Variants in NPEPPS observed in about 807,000 individuals in gnomAD.
NPEPPS encodes aminopeptidase puromycin sensitive.
In NPEPPS, 14 loss-of-function variants were observed where a neutral mutation model predicts 115.5. That is an observed-to-expected ratio of 0.12 (90% CI 0.08 to 0.19). The LOEUF (loss-of-function observed/expected upper bound fraction) is 0.19. Ranked by LOEUF, NPEPPS falls within the 10% of genes least tolerant of loss-of-function variation. The pLI, the probability that NPEPPS is intolerant of heterozygous loss-of-function variation, is 1.00. For synonymous variants in NPEPPS, 285 were observed against 390.6 expected (o/e 0.73, Z 3.19); for missense variants, 523 against 1,110.8 (o/e 0.47, Z 7.52).
intron 12 of NPEPPS, among the ~76,000 whole-genome samples, chr17:47,593,546 C>T (rs1383354434): frequency 6.6e-6 from 1 of 151,774 alleles, no homozygotes; most frequent in Non-Finnish European, 1.5e-5. Context: ...GGCAACAGAA[C>T]AAGATCCTGT....
intron 2 of NPEPPS, among the ~76,000 whole-genome samples, chr17:47,547,276 G>T (rs1239054556): frequency 5.9e-5 from 9 of 152,052 alleles, no homozygotes; most frequent in African/African-American, 2.2e-4. Flanking sequence ...TCCCGTATGA[G>T]CTGCTTTTTA....
chr17:47,559,579 G>C, intron 2 of NPEPPS: 1 of 447,656 alleles, frequency 2.2e-6, no homozygotes, highest in South Asian at 1.6e-5. Context: ...GTTCCCCGTT[G>C]GTTACTAATA....
At chr17:47,543,220 G>GCA (rs951275650) in intron 1 of NPEPPS, among the ~76,000 whole-genome samples, 70 of 149,712 alleles carry the variant, frequency 4.7e-4, no homozygotes, top group Admixed American at 1.7e-3. Context: ...TTAATGGCGC[G>GCA]CACACACACA....
intron 1 of NPEPPS, among the ~76,000 whole-genome samples, chr17:47,543,681 C>T (rs1908957544): frequency 6.6e-6 from 1 of 151,872 alleles, no homozygotes; most frequent in Admixed American, 6.6e-5. Flanking sequence ...TTTTTCAGAA[C>T]ATGCTGAAAG....
intron 1 of NPEPPS, among the ~76,000 whole-genome samples, chr17:47,537,435 T>G (rs998357434): frequency 2.6e-5 from 4 of 152,188 alleles, no homozygotes; most frequent in African/African-American, 9.7e-5. Context: ...GGCTCACGCC[T>G]GTAATCCCAG....
chr17:47,554,183 G>A (rs540665371), intron 2 of NPEPPS, among the ~76,000 whole-genome samples: 27 of 151,940 alleles, frequency 1.8e-4, no homozygotes, highest in African/African-American at 6.5e-4. Context: ...TGGGATTACA[G>A]GCATGCGCCA....
intron 17 of NPEPPS, among the ~76,000 whole-genome samples, chr17:47,607,992 G>A (rs957566989): frequency 1.3e-5 from 2 of 151,954 alleles, no homozygotes; most frequent in African/African-American, 4.8e-5. Context: ...CTACAGGCAT[G>A]CACCATACCC....
Position 47,531,391 on chromosome 17 carries a change from C to T in NPEPPS, c.91C>T (p.Arg31Cys), listed in dbSNP as rs1319025173. 1.9e-6 allele frequency: 3 copies of T among 1,545,090 alleles called. No individual in the cohort carries two copies. Among genetic ancestry groups the T allele is most frequent in the African/African-American group, 2.8e-5 (2 of 72,698 alleles). Residue 31 changes from arginine (R) to cysteine (C), a missense_variant, in exon 1 of 23, where the codon CGC becomes TGC. By Grantham distance (180) the Arg-to-Cys change is radical (BLOSUM62 -3). Transcript: ENST00000322157. ...PPPLLLLVFSRSSRRRLHSLG... is the reference protein window; with the variant it reads ...PPPLLLLVFSCSSRRRLHSLG... ...TCCCCTCCTCCTTCTCGTCTTCAGC[C>T]GCTCCTCTCGCCGCCGCCTCCACAG... is the stretch of plus-strand genomic sequence containing the variant.
intron 1 of NPEPPS, among the ~76,000 whole-genome samples, chr17:47,532,689 A>G (rs1419356916): frequency 2.0e-5 from 3 of 151,428 alleles, no homozygotes; most frequent in African/African-American, 7.3e-5. Flanking sequence ...AAAGGAAAGA[A>G]AGAAGCTATT....
chr17:47,549,932 AT>A (rs568065668), intron 2 of NPEPPS, among the ~76,000 whole-genome samples: 3,112 of 143,200 alleles, frequency 0.022, 78 homozygotes, highest in East Asian at 0.15. Context: ...GCTTCTTTTA[AT>A]TTTTTTTTTT....
upstream of NPEPPS, among the ~76,000 whole-genome samples, chr17:47,528,300 C>CA (rs139904870): frequency 1.1e-4 from 16 of 145,678 alleles, no homozygotes; most frequent in East Asian, 2.0e-4. Context: ...GACTCCAGCT[C>CA]AAAAAAAAAA....
At chr17:47,530,197 C>T (rs3874910), upstream of NPEPPS, among the ~76,000 whole-genome samples, 56,576 of 144,714 alleles carry the variant, frequency 0.39, 12,103 homozygotes, top group East Asian at 0.54. Flanking sequence ...CCCGCCTCGG[C>T]CTCCCAAATT....
At chr17:47,590,228 G>C (rs1349293212) in intron 9 of NPEPPS, among the ~76,000 whole-genome samples, 1 of 151,942 alleles carries the variant, frequency 6.6e-6, no homozygotes, top group African/African-American at 2.4e-5. Flanking sequence ...ACAATGTTTT[G>C]AAAATATCCT....
intron 22 of NPEPPS, 140 bp from the exon 23 acceptor site, chr17:47,621,628 G>T: frequency 2.4e-5 from 17 of 694,066 alleles, no homozygotes; most frequent in East Asian, 2.8e-5. Context: ...TTTTCTTTTA[G>T]CCTGAGGGTG....
intron 2 of NPEPPS, among the ~76,000 whole-genome samples, chr17:47,552,135 T>C (rs1909698915): frequency 6.6e-6 from 1 of 150,772 alleles, no homozygotes; most frequent in African/African-American, 2.4e-5. Flanking sequence ...CCTGGCTAAT[T>C]TTTTAATTTT....
At chr17:47,569,897 G>T (rs540455438) in intron 3 of NPEPPS, among the ~76,000 whole-genome samples, 1 of 152,244 alleles carries the variant, frequency 6.6e-6, no homozygotes, top group South Asian at 2.1e-4. Flanking sequence ...AGGATTACAG[G>T]CAGGAGCCAC....
At chr17:47,522,938 TC>T, upstream of NPEPPS, 1 of 1,356,266 alleles carries the variant, frequency 7.4e-7, no homozygotes, top group South Asian at 1.3e-5. Flanking sequence ...TTTCCAACTG[TC>T]ATTTCAACAG....
intron 2 of NPEPPS, among the ~76,000 whole-genome samples, chr17:47,551,261 T>C (rs1909628718): frequency 1.3e-5 from 2 of 151,928 alleles, no homozygotes; most frequent in South Asian, 4.1e-4. Flanking sequence ...TTCAAGTAAA[T>C]ATTGTGTGAA....
intron 2 of NPEPPS, among the ~76,000 whole-genome samples, chr17:47,553,314 A>G (rs1295231039): frequency 1.3e-5 from 2 of 151,536 alleles, no homozygotes; most frequent in African/African-American, 4.9e-5. Flanking sequence ...CAGAGGTTGC[A>G]GTGAGCCAAG....
Sources: gnomAD v4.1 joint callset for allele counts (sites outside exome capture counted in the v4.1 genomes callset) on GRCh38, gnomAD v4.1.1 for gene constraint, MANE v1.5 for transcripts, NCBI Gene and HGNC (gene_info 2026-07-23, HGNC 2026-07-21) for gene names.